The following RIT2 variants were observed in gnomAD, a reference collection of about 807,000 sequenced individuals.
RIT2 encodes the protein GTP-binding protein Rit2.
A neutral mutation model predicts 23.7 loss-of-function variants in RIT2; 24 were observed. The observed-to-expected ratio is 1.01, with a 90% CI of 0.73 to 1.43. The LOEUF is 1.43. Among genes scored for constraint, RIT2 ranks in the 40% most tolerant of loss-of-function variants. The probability of loss-of-function intolerance (pLI) is 0.00; values close to 1 mark genes in which losing one functional copy is unlikely to be tolerated. For synonymous variants in RIT2, 107 were observed against 91.1 expected (o/e 1.17, Z -0.99); for missense variants, 236 against 266.9 (o/e 0.88, Z 0.81).
intron 4 of RIT2, among the ~76,000 whole-genome samples, chr18:42,830,801 A>C (rs10502804): frequency 0.052 from 7,843 of 152,232 alleles, 612 homozygotes; most frequent in East Asian, 0.33. Context: ...TAGGTTTATA[A>C]TAAGTGCTTT....
At chr18:42,948,320 C>T (rs1019593655) in intron 3 of RIT2, among the ~76,000 whole-genome samples, 9 of 151,930 alleles carry the variant, frequency 5.9e-5, no homozygotes, top group Non-Finnish European at 5.9e-5. Flanking sequence ...GGAGGTGTGG[C>T]GGTTCCAAGT....
At chr18:42,748,573 G>A (rs1338265737) in intron 4 of RIT2, among the ~76,000 whole-genome samples, 4 of 152,074 alleles carry the variant, frequency 2.6e-5, no homozygotes, top group Non-Finnish European at 5.9e-5. Flanking sequence ...AGTTGATCCA[G>A]CAATGTCACT....
At chr18:42,812,488 G>A (rs1905879486) in intron 4 of RIT2, among the ~76,000 whole-genome samples, 1 of 152,144 alleles carries the variant, frequency 6.6e-6, no homozygotes, top group East Asian at 1.9e-4. Context: ...TTGGCTTGGA[G>A]AATTTTGTTA....
chr18:42,936,477 G>A (rs541225815), intron 3 of RIT2, among the ~76,000 whole-genome samples: 1 of 152,228 alleles, frequency 6.6e-6, no homozygotes, highest in East Asian at 1.9e-4. Context: ...TTCAGTTTCA[G>A]AGAACTCATA....
At chr18:42,847,842 G>T (rs1194100860) in intron 4 of RIT2, among the ~76,000 whole-genome samples, 1 of 151,534 alleles carries the variant, frequency 6.6e-6, no homozygotes, top group Non-Finnish European at 1.5e-5. Context: ...ATTAGAATTT[G>T]AATTAACAAA....
intron 1 of RIT2, among the ~76,000 whole-genome samples, chr18:43,045,016 C>T (rs12969383): frequency 0.38 from 57,222 of 152,044 alleles, 13,471 homozygotes; most frequent in Non-Finnish European, 0.53. Context: ...TGTATGCTGA[C>T]AGTTTATTTT....
intron 4 of RIT2, among the ~76,000 whole-genome samples, chr18:42,840,244 T>G (rs1906727511): frequency 6.6e-6 from 1 of 152,216 alleles, no homozygotes; most frequent in Admixed American, 6.5e-5. Flanking sequence ...ATAAATAGCC[T>G]TTGCTTATTC....
chr18:42,778,099 CT>C (rs1913717151), intron 4 of RIT2, among the ~76,000 whole-genome samples: 1 of 152,114 alleles, frequency 6.6e-6, no homozygotes, highest in South Asian at 2.1e-4. Context: ...CTATGGCTGG[CT>C]GCTGTGCTTT....
At chr18:42,752,472 C>T (rs1476725655) in intron 4 of RIT2, among the ~76,000 whole-genome samples, 1 of 152,006 alleles carries the variant, frequency 6.6e-6, no homozygotes. Context: ...AAAGGTTAAG[C>T]AGTGGTTAAG....
chr18:42,875,331 T>A, intron 4 of RIT2, among the ~76,000 whole-genome samples: 1 of 141,170 alleles, frequency 7.1e-6, no homozygotes. Context: ...TCTCTCTCTC[T>A]TTTTTTTTTT....
intron 1 of RIT2, among the ~76,000 whole-genome samples, chr18:43,086,201 T>A (rs1913279047): frequency 6.6e-6 from 1 of 152,196 alleles, no homozygotes; most frequent in Non-Finnish European, 1.5e-5. Context: ...GCATATCTTT[T>A]GAGTGTCATG....
intron 1 of RIT2, among the ~76,000 whole-genome samples, chr18:43,113,123 A>G (rs1684425393): frequency 5.3e-5 from 8 of 152,204 alleles, no homozygotes; most frequent in Admixed American, 5.2e-4. Flanking sequence ...TTGAAAGCAA[A>G]TATTTTAACC....
chr18:42,976,871 G>A (rs1362147709), intron 2 of RIT2, among the ~76,000 whole-genome samples: 3 of 151,938 alleles, frequency 2.0e-5, no homozygotes, highest in African/African-American at 4.8e-5. Flanking sequence ...TAAGATAATG[G>A]CATTAGGGTT....
chr18:42,764,833 T>C (rs903112680), intron 4 of RIT2, among the ~76,000 whole-genome samples: 2 of 152,248 alleles, frequency 1.3e-5, no homozygotes, highest in Non-Finnish European at 2.9e-5. Context: ...AGTATTAGCA[T>C]AAATAATTAA....
chr18:43,041,670 T>C (rs534607614), intron 1 of RIT2, among the ~76,000 whole-genome samples: 1 of 152,314 alleles, frequency 6.6e-6, no homozygotes, highest in South Asian at 2.1e-4. Flanking sequence ...GGACGTCTTT[T>C]TTCATGCACA....
chr18:42,968,851 C>T (rs1175358883), intron 3 of RIT2, among the ~76,000 whole-genome samples: 1 of 152,064 alleles, frequency 6.6e-6, no homozygotes, highest in African/African-American at 2.4e-5. Flanking sequence ...TACCTGTATT[C>T]GAGTCTAGTG....
intron 3 of RIT2, among the ~76,000 whole-genome samples, chr18:42,952,558 G>A (rs1413520683): frequency 6.6e-6 from 1 of 152,044 alleles, no homozygotes; most frequent in Admixed American, 6.6e-5. Context: ...CCCAAAAAAA[G>A]AGCGTGGAAG....
intron 3 of RIT2, among the ~76,000 whole-genome samples, chr18:42,966,399 G>A (rs1910225345): frequency 6.6e-6 from 1 of 152,004 alleles, no homozygotes; most frequent in Non-Finnish European, 1.5e-5. Context: ...GAGAATCTTG[G>A]TAGTCATTTT....
At chr18:42,836,927 G>A (rs1177568257) in intron 4 of RIT2, among the ~76,000 whole-genome samples, 9 of 152,008 alleles carry the variant, frequency 5.9e-5, no homozygotes, top group South Asian at 4.2e-4. Context: ...TCTAGTTGTC[G>A]TTACCAACAT....
Sources: allele counts gnomAD v4.1 joint callset (sites outside exome capture counted in the v4.1 genomes callset), GRCh38; gene constraint gnomAD v4.1.1; transcripts MANE v1.5; gene names NCBI Gene and HGNC (gene_info 2026-07-23, HGNC 2026-07-21).